The following FBXO47 variants were observed in gnomAD, a reference collection of about 807,000 sequenced individuals.
The protein encoded by FBXO47 is F-box protein 47.
In FBXO47, 34 loss-of-function variants were observed where a neutral mutation model predicts 53.9. The observed-to-expected ratio is 0.63, with a 90% CI of 0.48 to 0.84. The LOEUF is 0.84. Among genes scored for constraint, FBXO47 ranks in the 40% least tolerant of loss-of-function variants. The pLI, the probability that FBXO47 is intolerant of heterozygous loss-of-function variation, is 0.00. For synonymous variants in FBXO47, 165 were observed against 181.6 expected (o/e 0.91, Z 0.73); for missense variants, 485 against 541.3 (o/e 0.90, Z 1.03).
At chr17:38,963,463 C>T (rs1905922365) in intron 1 of FBXO47, among the ~76,000 whole-genome samples, 1 of 152,132 alleles carries the variant, frequency 6.6e-6, no homozygotes, top group Admixed American at 6.5e-5. Flanking sequence ...AGGCATGAAC[C>T]ACTGAACCTG....
intron 6 of FBXO47, among the ~76,000 whole-genome samples, chr17:38,945,718 C>T (rs936998465): frequency 6.6e-5 from 10 of 151,538 alleles, no homozygotes; most frequent in South Asian, 6.2e-4. Flanking sequence ...GGGCAGATCA[C>T]GAGGTCAGGA....
At chr17:38,943,381 GTTTA>G (rs796709512) in intron 8 of FBXO47, among the ~76,000 whole-genome samples, 14 of 152,084 alleles carry the variant, frequency 9.2e-5, no homozygotes, top group East Asian at 3.9e-4. Context: ...AATAATAAAT[GTTTA>G]TTTATAAAAT....
At chr17:38,942,659 T>C (rs1240157255) in intron 9 of FBXO47, 119 bp downstream of exon 9, 1 of 607,442 alleles carries the variant, frequency 1.6e-6, no homozygotes, top group Non-Finnish European at 2.8e-6. Flanking sequence ...TAAAAATATA[T>C]ACTTCAATAC....
chr17:38,959,647 T>TGC (rs971580264), intron 3 of FBXO47, among the ~76,000 whole-genome samples: 1 of 147,144 alleles, frequency 6.8e-6, no homozygotes, highest in African/African-American at 2.5e-5. Context: ...TGTGTGTGTG[T>TGC]GTGTGTGTGT....
At chr17:38,942,481 C>G (rs933870024) in intron 9 of FBXO47, among the ~76,000 whole-genome samples, 12 of 152,046 alleles carry the variant, frequency 7.9e-5, no homozygotes, top group Non-Finnish European at 1.5e-4. Context: ...TTAGTCCCAG[C>G]TACTCAGGAG....
At chr17:38,948,799 G>A (rs1204040816) in intron 6 of FBXO47, among the ~76,000 whole-genome samples, 2 of 151,938 alleles carry the variant, frequency 1.3e-5, no homozygotes, top group Non-Finnish European at 2.9e-5. Context: ...TACATGGGCA[G>A]AACGTGCAGG....
intron 1 of FBXO47, among the ~76,000 whole-genome samples, chr17:38,964,037 A>G (rs1457574176): frequency 1.3e-5 from 2 of 151,820 alleles, no homozygotes; most frequent in African/African-American, 2.4e-5. Flanking sequence ...TGAACTCCTG[A>G]GCTCAAGTGA....
At chr17:38,958,710 A>G (rs1413255514) in intron 3 of FBXO47, among the ~76,000 whole-genome samples, 3 of 152,152 alleles carry the variant, frequency 2.0e-5, no homozygotes, top group Non-Finnish European at 2.9e-5. Flanking sequence ...ACTTTTTTAC[A>G]TATTATAATT....
chr17:38,948,227 T>G, intron 6 of FBXO47, among the ~76,000 whole-genome samples: 1 of 145,242 alleles, frequency 6.9e-6, no homozygotes, highest in Non-Finnish European at 1.5e-5. Context: ...TTTTTTTTTT[T>G]TTTTGAGACA....
intron 10 of FBXO47, 152 bp downstream of exon 10, chr17:38,938,421 T>C: frequency 3.7e-6 from 2 of 541,280 alleles, no homozygotes; most frequent in South Asian, 3.8e-5. Flanking sequence ...CTTCCTCTAC[T>C]TATTGTTAGT....
At chr17:38,949,980 G>T (rs1182946938) in intron 6 of FBXO47, among the ~76,000 whole-genome samples, 1 of 152,148 alleles carries the variant, frequency 6.6e-6, no homozygotes, top group East Asian at 1.9e-4. Flanking sequence ...CAATTCAATG[G>T]TTTATAGTAT....
At chr17:38,943,507 C>A in intron 8 of FBXO47, 83 bp downstream of exon 8, 1 of 839,880 alleles carries the variant, frequency 1.2e-6, no homozygotes, top group South Asian at 2.4e-5. Flanking sequence ...TCATTTGTTA[C>A]CTGTAGAATT....
intron 1 of FBXO47, among the ~76,000 whole-genome samples, chr17:38,963,880 T>A (rs1905958443): frequency 6.7e-6 from 1 of 150,070 alleles, no homozygotes; most frequent in African/African-American, 2.4e-5. Context: ...CATTGCAGTC[T>A]TGAACTCTTG....
At chr17:38,953,658 A>G (rs1019823398) in intron 5 of FBXO47, among the ~76,000 whole-genome samples, 4 of 152,014 alleles carry the variant, frequency 2.6e-5, no homozygotes, top group Non-Finnish European at 5.9e-5. Flanking sequence ...AATAAAAACT[A>G]ATCTTATTCC....
chr17:38,950,656 G>A (rs1905228162), intron 6 of FBXO47, among the ~76,000 whole-genome samples: 1 of 151,688 alleles, frequency 6.6e-6, no homozygotes, highest in Non-Finnish European at 1.5e-5. Flanking sequence ...TTTCTCAGAG[G>A]GAAACAGCTC....
intron 4 of FBXO47, 45 bp downstream of exon 4, chr17:38,957,132 T>C: frequency 1.6e-6 from 2 of 1,224,766 alleles, no homozygotes; most frequent in Non-Finnish European, 2.4e-6. Context: ...AAAATATCTT[T>C]ACTGGAAATC....
At position 38,945,039 on chromosome 17, in the gene FBXO47, C is replaced by T. The variant is rs140638953; in HGVS notation, c.714G>A (p.Thr238=). 1.5e-4 allele frequency: 236 copies of T among 1,613,910 alleles called. 3 individuals carry two copies. In the Admixed American group the frequency reaches 3.4e-3, roughly 23 times the overall value. ...CCATTGGCCATGGTTTTAATATTCG[C>T]GTCAACCAAAAAGCAGAATCACTTC... ...THRSDSAFWL[T]RILKPWPMVN... The change falls in exon 7 of 11, where the codon ACG becomes ACA. Residue 238 remains threonine (T), a synonymous_variant. Transcript: ENST00000378079.
intron 3 of FBXO47, 53 bp from the exon 4 acceptor site, chr17:38,957,306 T>A: frequency 8.6e-7 from 1 of 1,160,510 alleles, no homozygotes; most frequent in Non-Finnish European, 1.3e-6. Flanking sequence ...ATTAAGAACA[T>A]CAATAGAGCA....
At chr17:38,946,422 C>CTA (rs1240505857) in intron 6 of FBXO47, among the ~76,000 whole-genome samples, 7 of 32,946 alleles carry the variant, frequency 2.1e-4, no homozygotes, top group African/African-American at 3.3e-4. Context: ...ATATATATAA[C>CTA]TATATAAATA....
Sources: allele counts gnomAD v4.1 joint callset (sites outside exome capture counted in the v4.1 genomes callset), GRCh38; gene constraint gnomAD v4.1.1; transcripts MANE v1.5; gene names NCBI Gene and HGNC (gene_info 2026-07-23, HGNC 2026-07-21).